Variants in C4orf50 observed in about 807,000 individuals in gnomAD.
C4orf50 encodes uncharacterized protein C4orf50.
A neutral mutation model predicts 77.2 loss-of-function variants in C4orf50; 80 were observed. That is an observed-to-expected ratio of 1.04 (90% CI 0.87 to 1.25). The LOEUF (loss-of-function observed/expected upper bound fraction) is 1.25, where lower values mean the gene tolerates loss of function less well. C4orf50 is among the 50% of genes most tolerant of loss of function. The pLI, the probability that C4orf50 is intolerant of heterozygous loss-of-function variation, is 0.00. For missense variants in C4orf50, 1,257 were observed against 1,152.9 expected (o/e 1.09, Z -1.31); for synonymous variants, 532 against 465.3 (o/e 1.14, Z -1.84).
At chr4:5,950,228 T>A (rs905419446) in intron 7 of C4orf50, among the ~76,000 whole-genome samples, 1 of 152,184 alleles carries the variant, frequency 6.6e-6, no homozygotes, top group Non-Finnish European at 1.5e-5. Context: ...ACTATAAAAC[T>A]GACAGGCCAC....
chr4:5,955,253 C>T (rs974456067), downstream of C4orf50, among the ~76,000 whole-genome samples: 2 of 152,166 alleles, frequency 1.3e-5, no homozygotes, highest in African/African-American at 2.4e-5. The surrounding 1 kb of genome is among the most constrained non-coding windows in gnomAD (Gnocchi z 5.1). Flanking sequence ...CACCTTACCA[C>T]GGCCCTTGGA....
chr4:5,914,656 T>C (rs1199430514), intron 7 of C4orf50, among the ~76,000 whole-genome samples: 1 of 152,240 alleles, frequency 6.6e-6, no homozygotes, highest in African/African-American at 2.4e-5. Flanking sequence ...AGCAGATCTA[T>C]CTGAAGAAAT....
downstream of C4orf50, chr4:5,956,642 CTG>C (rs1718973174): frequency 6.6e-6 from 1 of 150,922 alleles, no homozygotes; most frequent in Non-Finnish European, 1.5e-5. Flanking sequence ...ACCCTCTCCT[CTG>C]ATTTGCCTAA....
At chr4:5,937,033 A>C (rs4535277) in intron 7 of C4orf50, among the ~76,000 whole-genome samples, 36,965 of 151,926 alleles carry the variant, frequency 0.24, 5,906 homozygotes, top group African/African-American at 0.46. Context: ...ACCATAAAAA[A>C]AAAATAATGA....
In C4orf50 at chr4:6,007,208, A is replaced by G. The variant is rs537813788; in HGVS notation, c.963+788T>C. On this transcript the variant is annotated intron_variant, in intron 25 of 33. Coordinates refer to ENST00000531445, the Ensembl canonical transcript of C4orf50. The surrounding 1 kb of genome is among the most constrained non-coding windows in gnomAD (Gnocchi z 4.1). Reference sequence around the variant, plus strand: ...AATGAGAAGATAATGGAACGTGGCTAGACAAGTGGGTGGGTGAGTGCTGGG... The same window carrying G: ...AATGAGAAGATAATGGAACGTGGCTGGACAAGTGGGTGGGTGAGTGCTGGG... Among the ~76,000 whole-genome samples the G allele has an allele frequency of 6.6e-6, 1 of 152,250 alleles. No homozygotes were observed. The highest frequency in any genetic ancestry group is 6.5e-5 in the Admixed American group (1 of 15,292).
Position 6,011,290 on chromosome 4 carries a change from T to C in C4orf50, c.426+540A>G, listed in dbSNP as rs1226408584. On this transcript the variant is annotated intron_variant, in intron 24 of 33. Coordinates refer to ENST00000531445, the Ensembl canonical transcript of C4orf50. The surrounding 1 kb of genome is among the most constrained non-coding windows in gnomAD (Gnocchi z 4.2). ...GGAACTTTCCGACTCACCCACTCCG[T>C]CCCCAGCACGGTGATATCCTCTGTG... Among the ~76,000 whole-genome samples, 1 of 152,072 alleles carries C rather than the reference T, an allele frequency of 6.6e-6. No homozygotes were observed. Among genetic ancestry groups the C allele is most frequent in the Admixed American group, 6.6e-5 (1 of 15,262 alleles).
rs1717153199 is a variant in C4orf50 at position 5,919,019 on chromosome 4, A to G, written c.*2475-20831T>C. 6.6e-6 allele frequency among the ~76,000 whole-genome samples: 1 copy of G among 152,128 alleles called. No homozygotes were observed. The highest frequency in any genetic ancestry group is 2.1e-4 in the South Asian group (1 of 4,816). On this transcript the variant is annotated intron_variant, in intron 7 of 7. Coordinates refer to the C4orf50 transcript ENST00000324058. This position sits in a 1 kb window ranked among gnomAD's most constrained non-coding sequence, Gnocchi z 6.5. ...GGGAAACTGAGACCCGGAGGAGTCAAAGGGCTTGCCCAAGTCTCGGTGCTT... is the reference window on the plus strand; with the variant it reads ...GGGAAACTGAGACCCGGAGGAGTCAGAGGGCTTGCCCAAGTCTCGGTGCTT...
At chr4:6,003,763 TA>T (rs1309688773) in intron 25 of C4orf50, among the ~76,000 whole-genome samples, 10 of 127,584 alleles carry the variant, frequency 7.8e-5, no homozygotes, top group African/African-American at 2.5e-4. Flanking sequence ...GATGATGTGA[TA>T]GTGATGATGG....
intron 7 of C4orf50, chr4:5,904,614 G>C (rs775910180): frequency 6.6e-6 from 1 of 152,174 alleles, no homozygotes; most frequent in Non-Finnish European, 1.5e-5. Context: ...GGCAGAGTCC[G>C]TCTCTGGATT....
intron 7 of C4orf50, among the ~76,000 whole-genome samples, chr4:5,946,808 T>C (rs1443602493): frequency 1.2e-4 from 19 of 152,266 alleles, no homozygotes; most frequent in Admixed American, 1.2e-3. Flanking sequence ...TTTGTTCGGA[T>C]GTGCTCTCGC....
rs1348291186 is a variant in C4orf50, at chr4:5,958,793, G to A, written c.*582C>T. 6.6e-6 allele frequency: 1 copy of A among 152,300 alleles called. No homozygotes were observed. Among genetic ancestry groups the A allele is most frequent in the African/African-American group, 2.4e-5 (1 of 41,394 alleles). The allele number at this position is 152,300 out of a possible 1,614,324, so 9.4% of individuals were successfully genotyped here. A position where few individuals can be genotyped will look rare whatever the true frequency, so the allele number is the denominator to read the frequency against. ...GGTGACTTAGGCGTTTCACTTAGTA[G>A]ACAAAAAATCTTTTAAAACATGGGA... is the stretch of plus-strand genomic sequence containing the variant. On this transcript the variant is annotated 3_prime_UTR_variant, in exon 34 of 34. Transcript: ENST00000531445. The surrounding 1 kb of genome is among the most constrained non-coding windows in gnomAD (Gnocchi z 5.4).
intron 7 of C4orf50, among the ~76,000 whole-genome samples, chr4:5,942,408 CA>C (rs1263790649): frequency 6.6e-6 from 1 of 152,198 alleles, no homozygotes; most frequent in Non-Finnish European, 1.5e-5. Flanking sequence ...TCAGTTTCAA[CA>C]TCTGTGAAAT....
chr4:6,018,016 G>A lies in C4orf50; in HGVS notation c.287+129C>T. On this transcript the variant is annotated intron_variant, in intron 23 of 33. Transcript: ENST00000531445. This position sits in a 1 kb window ranked among gnomAD's most constrained non-coding sequence, Gnocchi z 5.1. ...GAGCAGAAGGCAAGTGACTGCGTGG[G>A]CAGGTTACGTGTCTTTGGTGAGCCA... 1 of 396,846 alleles carries A rather than the reference G, an allele frequency of 2.5e-6. No homozygotes were observed. The highest frequency in any genetic ancestry group is 4.4e-6 in the Non-Finnish European group (1 of 225,652). 24.6% of individuals were successfully genotyped at this position (396,846 alleles called of 1,614,324 possible). A position where few individuals can be genotyped will look rare whatever the true frequency, so the allele number is the denominator to read the frequency against.
intron 23 of C4orf50, among the ~76,000 whole-genome samples, chr4:6,016,609 TCA>T (rs1449997540): frequency 6.6e-6 from 1 of 152,076 alleles, no homozygotes; most frequent in Non-Finnish European, 1.5e-5. Flanking sequence ...CTTCACTTAG[TCA>T]CAGTTTCCAA....
chr4:5,957,064 A>C (rs1298592584), downstream of C4orf50: 1 of 152,320 alleles, frequency 6.6e-6, no homozygotes, highest in East Asian at 1.9e-4. Context: ...GCCGACCCAA[A>C]GTGCTAGACC....
At chr4:5,984,325 A>G (rs78731577) in intron 28 of C4orf50, among the ~76,000 whole-genome samples, 1,607 of 152,352 alleles carry the variant, frequency 0.011, 39 homozygotes, top group African/African-American at 0.036. Flanking sequence ...GAAAAATGTG[A>G]CTGTTCACCA....
rs140430985 is a variant in C4orf50 at position 5,989,821 on chromosome 4, C to T, written c.2225G>A (p.Cys742Tyr). The T allele has an allele frequency of 2.0e-4, 300 of 1,483,706 alleles. 1 individual carries two copies. The highest frequency in any genetic ancestry group is 1.9e-3 in the Middle Eastern group (11 of 5,700). The allele number at this position is 1,483,706 out of a possible 1,614,324, so 91.9% of individuals were successfully genotyped here. Residue 742 changes from cysteine to tyrosine, a missense_variant, in exon 28 of 34, where the codon TGC (cysteine) becomes TAC (tyrosine). Transcript: ENST00000531445. ...GTCAGGCTCCTCGGGGGCACCCCTG[C>T]ACCCCAGACCGGATGCTTCTTGATG...
exon 28 of C4orf50, chr4:5,990,056 C>T (rs1577973431): frequency 1.5e-6 from 2 of 1,351,686 alleles, no homozygotes; most frequent in Non-Finnish European, 1.9e-6. Flanking sequence ...GCCACTTCCT[C>T]ATTCTCTGAT....
intron 7 of C4orf50, among the ~76,000 whole-genome samples, chr4:5,948,667 C>G (rs550854129): frequency 6.6e-6 from 1 of 152,066 alleles, no homozygotes; most frequent in African/African-American, 2.4e-5. Context: ...TGGTGCCATG[C>G]ACCTGTAGTC....
Sources: allele counts gnomAD v4.1 joint callset (sites outside exome capture counted in the v4.1 genomes callset), GRCh38; gene constraint gnomAD v4.1.1; non-coding constraint Gnocchi (gnomAD v3.1); transcripts MANE v1.5; gene names NCBI Gene and HGNC (gene_info 2026-07-23, HGNC 2026-07-21).